The following CACNA1C variants were observed in gnomAD, a reference collection of about 807,000 sequenced individuals.
CACNA1C encodes voltage-dependent L-type calcium channel subunit alpha-1C.
CACNA1C carries 30 observed loss-of-function variants against 229.0 expected under a neutral mutation model. The ratio of observed to expected loss-of-function variants is 0.13; its 90% confidence interval spans 0.10 to 0.18. The LOEUF is 0.18. Among genes scored for constraint, CACNA1C ranks in the 10% least tolerant of loss-of-function variants. CACNA1C has a pLI of 1.00. For missense variants in CACNA1C, 1,658 were observed against 2,845.0 expected (o/e 0.58, Z 9.49); for synonymous variants, 1,114 against 1,132.5 (o/e 0.98, Z 0.33).
At position 2,666,045 on chromosome 12, in the gene CACNA1C, C is replaced by T. The variant is rs148865996; in HGVS notation, c.4526+337C>T. On this transcript the variant is annotated intron_variant, in intron 36 of 46. Coordinates refer to ENST00000399655, the MANE Select transcript of CACNA1C (RefSeq NM_000719.7). This position sits in a 1 kb window ranked among gnomAD's most constrained non-coding sequence, Gnocchi z 5.3. Reference sequence around the variant, plus strand: ...CTCTACTAAAAATACAAAAATTAGCCGGACATGGTGGCACATGCCTATAAT... The same window carrying T: ...CTCTACTAAAAATACAAAAATTAGCTGGACATGGTGGCACATGCCTATAAT... Among the ~76,000 whole-genome samples, 77 of 152,218 alleles carry T rather than the reference C, an allele frequency of 5.1e-4. No homozygotes were observed. Among genetic ancestry groups the T allele is most frequent in the African/African-American group, 1.8e-3 (73 of 41,526 alleles).
chr12:2,539,184 G>T (rs2099863161), intron 9 of CACNA1C, among the ~76,000 whole-genome samples: 1 of 152,186 alleles, frequency 6.6e-6, no homozygotes, highest in African/African-American at 2.4e-5. Flanking sequence ...GAAACAGTAG[G>T]TACTCTTAAA....
rs1002945532 is a variant in CACNA1C at position 2,647,349 on chromosome 12, G to A, written c.3913-1126G>A. Among the ~76,000 whole-genome samples, 2 of 152,332 alleles carry A rather than the reference G, an allele frequency of 1.3e-5. No homozygotes were observed. The highest frequency in any genetic ancestry group is 4.8e-5 in the African/African-American group (2 of 41,582). ...CCCAGATCCAGGCTCCAGGAACTCG[G>A]GGAGAGGGCTGGCCCTGGGATACTC... is the stretch of plus-strand genomic sequence containing the variant. On this transcript the variant is annotated intron_variant, in intron 30 of 46. Transcript: ENST00000399655. This position sits in a 1 kb window ranked among gnomAD's most constrained non-coding sequence, Gnocchi z 4.2.
intron 3 of CACNA1C, among the ~76,000 whole-genome samples, chr12:2,234,601 A>G (rs1388958570): frequency 6.6e-6 from 1 of 152,182 alleles, no homozygotes; most frequent in Non-Finnish European, 1.5e-5. Flanking sequence ...CAGATTGTGG[A>G]AATGAGTCTT....
At chr12:2,550,224 G>C (rs74053813) in intron 10 of CACNA1C, among the ~76,000 whole-genome samples, 191 bp downstream of exon 10, 1 of 152,166 alleles carries the variant, frequency 6.6e-6, no homozygotes, top group Non-Finnish European at 1.5e-5. Context: ...GGCCCTGGCC[G>C]GGGGTGAGTC....
At chr12:2,503,245 G>A (rs572563562) in intron 7 of CACNA1C, among the ~76,000 whole-genome samples, 10 of 152,180 alleles carry the variant, frequency 6.6e-5, no homozygotes, top group East Asian at 3.9e-4. Flanking sequence ...CCCAGGTGAC[G>A]CTGAAGCTGT....
At chr12:2,274,162 C>T (rs968449998) in intron 3 of CACNA1C, among the ~76,000 whole-genome samples, 2 of 152,206 alleles carry the variant, frequency 1.3e-5, no homozygotes, top group Non-Finnish European at 2.9e-5. Context: ...AGCAAGTCCT[C>T]GTCCTGTGGG....
intron 9 of CACNA1C, among the ~76,000 whole-genome samples, chr12:2,519,089 C>G (rs1011651050): frequency 6.6e-6 from 1 of 152,242 alleles, no homozygotes; most frequent in African/African-American, 2.4e-5. Flanking sequence ...ACCCAGGCAG[C>G]AGCACTCCCT....
chr12:2,545,923 C>T (rs1441373752), intron 9 of CACNA1C, among the ~76,000 whole-genome samples: 5 of 152,262 alleles, frequency 3.3e-5, no homozygotes, highest in East Asian at 1.9e-4. Flanking sequence ...CATAACTTCC[C>T]GTTCCCCATG....
At chr12:2,370,143 T>C (rs577191649) in intron 3 of CACNA1C, among the ~76,000 whole-genome samples, 1 of 152,194 alleles carries the variant, frequency 6.6e-6, no homozygotes, top group Non-Finnish European at 1.5e-5. Context: ...ACTAGTAAAA[T>C]AGAAACATAA....
chr12:2,143,198 A>G (rs1266827900), intron 3 of CACNA1C, among the ~76,000 whole-genome samples: 1 of 151,096 alleles, frequency 6.6e-6, no homozygotes, highest in East Asian at 1.9e-4. Context: ...CTGGTCTCGA[A>G]CTCAGGTGAT....
At chr12:2,074,208 C>T (rs191452356) in intron 1 of CACNA1C, among the ~76,000 whole-genome samples, 37 of 152,234 alleles carry the variant, frequency 2.4e-4, no homozygotes, top group African/African-American at 6.3e-4. Flanking sequence ...TATATTCTTC[C>T]CTTTTTATTC....
At chr12:2,511,804 T>C (rs1444983686) in intron 8 of CACNA1C, among the ~76,000 whole-genome samples, 1 of 152,128 alleles carries the variant, frequency 6.6e-6, no homozygotes, top group Non-Finnish European at 1.5e-5. Flanking sequence ...GACAGAATCA[T>C]AGAAAAGAAA....
chr12:2,123,405 T>C (rs2088005137), intron 3 of CACNA1C, among the ~76,000 whole-genome samples: 1 of 143,614 alleles, frequency 7.0e-6, no homozygotes, highest in Non-Finnish European at 1.5e-5. Context: ...AAAGGTTAAG[T>C]CTGAATCTTA....
intron 3 of CACNA1C, among the ~76,000 whole-genome samples, chr12:2,342,349 G>T (rs1567146681): frequency 6.6e-6 from 1 of 152,204 alleles, no homozygotes; most frequent in African/African-American, 2.4e-5. Context: ...CCAGCCACTT[G>T]TATATCCTGA....
intron 9 of CACNA1C, among the ~76,000 whole-genome samples, chr12:2,516,789 G>A (rs1015368434): frequency 1.3e-5 from 2 of 152,166 alleles, no homozygotes; most frequent in Admixed American, 6.5e-5. Flanking sequence ...ACATCCAGGT[G>A]GAGATGTTGA....
At chr12:1,992,862 CAA>C in intron 1 of CACNA1C, 1 of 423,434 alleles carries the variant, frequency 2.4e-6, no homozygotes, top group Non-Finnish European at 4.2e-6. Context: ...CTCACTCGGC[CAA>C]AAGTGATACA....
intron 3 of CACNA1C, among the ~76,000 whole-genome samples, chr12:2,178,646 C>T (rs918065699): frequency 2.0e-5 from 3 of 152,152 alleles, no homozygotes; most frequent in African/African-American, 7.2e-5. Flanking sequence ...ACAGACTCTC[C>T]GACTTCCTTC....
intron 34 of CACNA1C, among the ~76,000 whole-genome samples, chr12:2,658,349 A>G (rs1156880813): frequency 6.6e-6 from 1 of 152,232 alleles, no homozygotes; most frequent in African/African-American, 2.4e-5. Flanking sequence ...TACAATCTAC[A>G]GTCATGCACC....
intron 3 of CACNA1C, among the ~76,000 whole-genome samples, chr12:2,443,352 T>C (rs1300357543): frequency 6.6e-6 from 1 of 152,242 alleles, no homozygotes; most frequent in East Asian, 1.9e-4. Flanking sequence ...TGATTCCGTG[T>C]CCCACATCCA....
Sources: allele counts gnomAD v4.1 joint callset (sites outside exome capture counted in the v4.1 genomes callset), GRCh38; gene constraint gnomAD v4.1.1; non-coding constraint Gnocchi (gnomAD v3.1); transcripts MANE v1.5; gene names NCBI Gene and HGNC (gene_info 2026-07-23, HGNC 2026-07-21).